XKR7: variants seen among roughly 807,000 people sequenced by gnomAD.
XKR7 encodes the protein XK-related protein 7.
XKR7 carries 11 observed loss-of-function variants against 42.2 expected under a neutral mutation model. The observed-to-expected ratio is 0.26, with a 90% CI of 0.16 to 0.43. XKR7 has a LOEUF of 0.43. Among genes scored for constraint, XKR7 ranks in the 20% least tolerant of loss-of-function variants. The pLI is 1.00. For missense variants in XKR7, 710 were observed against 802.2 expected (o/e 0.89, Z 1.39); for synonymous variants, 346 against 366.4 (o/e 0.94, Z 0.64).
intron 1 of XKR7, among the ~76,000 whole-genome samples, chr20:31,983,527 G>A (rs1299175263): frequency 6.6e-6 from 1 of 152,206 alleles, no homozygotes; most frequent in African/African-American, 2.4e-5. Flanking sequence ...GTTGGAGTGA[G>A]CTTGGTGTGT....
At chr20:31,970,720 T>C (rs1423179716) in intron 1 of XKR7, 1 of 152,220 alleles carries the variant, frequency 6.6e-6, no homozygotes, top group East Asian at 1.9e-4. Context: ...GTGCTCTAAT[T>C]TGTCCATCTT....
chr20:31,971,386 C>T (rs2064464979), intron 1 of XKR7, among the ~76,000 whole-genome samples: 1 of 152,242 alleles, frequency 6.6e-6, no homozygotes, highest in Non-Finnish European at 1.5e-5. Context: ...GAAATTCTGA[C>T]TCTGGGTCTA....
chr20:31,989,845 T>C (rs1040418165), intron 1 of XKR7, among the ~76,000 whole-genome samples: 1 of 152,208 alleles, frequency 6.6e-6, no homozygotes, highest in Non-Finnish European at 1.5e-5. Flanking sequence ...ACTCCTGGGC[T>C]CAAGTGATCC....
chr20:31,975,690 C>T (rs1271906705), intron 1 of XKR7, among the ~76,000 whole-genome samples: 1 of 151,088 alleles, frequency 6.6e-6, no homozygotes, highest in Non-Finnish European at 1.5e-5. Flanking sequence ...AAAGAGATTC[C>T]CCTCTGCTCA....
chr20:31,994,778 C>T (rs899677767), intron 1 of XKR7, among the ~76,000 whole-genome samples: 3 of 152,266 alleles, frequency 2.0e-5, no homozygotes, highest in East Asian at 1.9e-4. Flanking sequence ...GTCAGTAACC[C>T]TCCAAAGAAA....
chr20:31,986,337 A>G (rs1389809997), intron 1 of XKR7, among the ~76,000 whole-genome samples: 6 of 112,872 alleles, frequency 5.3e-5, no homozygotes, highest in South Asian at 3.7e-4. Context: ...AACAGATCCA[A>G]CATCCAAGAC....
rs2064442857 is a variant in XKR7 at position 31,968,170 on chromosome 20, G to A, written c.-6G>A. ...GAAGTCGCTCCCCGCCTCCCTCTCC[G>A]CCAACATGGCCGCGAAGTCGGATGG... On this transcript the variant is annotated 5_prime_UTR_variant, in exon 1 of 3. Transcript: ENST00000562532. This position sits in a 1 kb window ranked among gnomAD's most constrained non-coding sequence, Gnocchi z 4.5. 19 of 1,176,864 alleles carry A rather than the reference G, an allele frequency of 1.6e-5. No homozygotes were observed. Among genetic ancestry groups the A allele is most frequent in the East Asian group, 3.6e-5 (1 of 27,478 alleles). 72.9% of individuals were successfully genotyped at this position (1,176,864 alleles called of 1,614,324 possible). A position where few individuals can be genotyped will look rare whatever the true frequency, so the allele number is the denominator to read the frequency against.
Position 31,999,104 on chromosome 20 carries a change from A to C in XKR7, c.*1647A>C, listed in dbSNP as rs377036716. On this transcript the variant is annotated 3_prime_UTR_variant, in exon 3 of 3. Coordinates refer to ENST00000562532, the MANE Select transcript of XKR7 (RefSeq NM_001011718.2). ...GTGGGAGAGGACAGCAGCGGATGTT[A>C]AGGACAGATGCCAACCTGATCCTGG... is the stretch of plus-strand genomic sequence containing the variant. The C allele has an allele frequency of 2.0e-5, 3 of 147,764 alleles. No individual in the cohort carries two copies. The highest frequency in any genetic ancestry group is 2.2e-4 in the South Asian group (1 of 4,602). The allele number at this position is 147,764 out of a possible 1,614,324, so 9.2% of individuals were successfully genotyped here.
chr20:31,994,551 TAA>T (rs2064582574), intron 1 of XKR7, among the ~76,000 whole-genome samples: 1 of 151,998 alleles, frequency 6.6e-6, no homozygotes, highest in Non-Finnish European at 1.5e-5. Context: ...GAAAAAAATT[TAA>T]AAATTAGCCT....
rs936027609 is a variant in XKR7 at position 31,995,884 on chromosome 20, C to T, written c.787+614C>T. Among the ~76,000 whole-genome samples the T allele has an allele frequency of 6.6e-6, 1 of 151,928 alleles. No homozygotes were observed. Among genetic ancestry groups the T allele is most frequent in the Non-Finnish European group, 1.5e-5 (1 of 67,966 alleles). ...ATCCCCCTGTCTCCCTGAAGCACTCCGTGCTCTCCCAACCTAGTCCCTGCC... is the reference window on the plus strand; with the variant it reads ...ATCCCCCTGTCTCCCTGAAGCACTCTGTGCTCTCCCAACCTAGTCCCTGCC... On this transcript the variant is annotated intron_variant, in intron 2 of 2. Coordinates refer to ENST00000562532, the MANE Select transcript of XKR7 (RefSeq NM_001011718.2). The surrounding 1 kb of genome is among the most constrained non-coding windows in gnomAD (Gnocchi z 4.1).
In XKR7 at chr20:31,995,057, C is replaced by G. The variant is rs1481528929; in HGVS notation, c.585-11C>G. 1.9e-6 allele frequency: 3 copies of G among 1,542,150 alleles called. No individual in the cohort carries two copies. The highest frequency in any genetic ancestry group is 2.8e-5 in the African/African-American group (2 of 72,470). ...GCGCGCGGGAGCCTGAGCACCGCGT[C>G]CTTCCCGCAGGTACCTGCGCGCCCT... On this transcript the variant is annotated splice_polypyrimidine_tract_variant and intron_variant, in intron 1 of 2. Transcript: ENST00000562532. This position sits in a 1 kb window ranked among gnomAD's most constrained non-coding sequence, Gnocchi z 4.1.
chr20:31,983,274 G>A (rs1021394207), intron 1 of XKR7, among the ~76,000 whole-genome samples: 2 of 152,228 alleles, frequency 1.3e-5, no homozygotes, highest in African/African-American at 4.8e-5. Context: ...CTAGGGGAAA[G>A]ACAGGCAATA....
At chr20:31,986,176 T>A (rs1464760910) in intron 1 of XKR7, among the ~76,000 whole-genome samples, 4 of 97,688 alleles carry the variant, frequency 4.1e-5, no homozygotes, top group African/African-American at 1.7e-4. Context: ...ACACCCAGCA[T>A]CCAAGACACA....
In XKR7 at chr20:32,002,677, C is replaced by T. The variant is rs1049170050; in HGVS notation, c.*5220C>T. ...CATTTCTTGAAGAAGAATTCATTTT[C>T]CCATATTAAATTAACTCAAGCTGAG... On this transcript the variant is annotated 3_prime_UTR_variant, in exon 3 of 3. Transcript: ENST00000562532. 1 of 152,146 alleles carries T rather than the reference C, an allele frequency of 6.6e-6. No homozygotes were observed. The highest frequency in any genetic ancestry group is 2.4e-5 in the African/African-American group (1 of 41,416). The allele number at this position is 152,146 out of a possible 1,614,324, so 9.4% of individuals were successfully genotyped here.
intron 1 of XKR7, among the ~76,000 whole-genome samples, chr20:31,991,672 A>G (rs183654814): frequency 6.6e-6 from 1 of 152,272 alleles, no homozygotes; most frequent in East Asian, 1.9e-4. Context: ...GTCCCTGCCC[A>G]TTAAAACCCC....
chr20:31,997,851 G>A lies in XKR7; in HGVS notation c.*394G>A, dbSNP rs932379235. On this transcript the variant is annotated 3_prime_UTR_variant, in exon 3 of 3. Coordinates refer to ENST00000562532, the MANE Select transcript of XKR7 (RefSeq NM_001011718.2). The stretch of plus-strand genomic sequence containing the variant: ...GACCTAGACCCTGTGCTCCTCAGGG[G>A]TTGTGGAGAGTGGGCTGCCTCTATG... 2.0e-5 allele frequency: 4 copies of A among 200,738 alleles called. No homozygotes were observed. Among genetic ancestry groups the A allele is most frequent in the South Asian group, 2.2e-4 (2 of 8,982 alleles). 12.4% of individuals were successfully genotyped at this position (200,738 alleles called of 1,614,324 possible). A position where few individuals can be genotyped will look rare whatever the true frequency, so the allele number is the denominator to read the frequency against.
chr20:31,979,410 T>C (rs1330611925), intron 1 of XKR7, among the ~76,000 whole-genome samples: 1 of 152,188 alleles, frequency 6.6e-6, no homozygotes, highest in African/African-American at 2.4e-5. Context: ...GGTATTTCTT[T>C]AATTTATTGT....
At chr20:31,978,431 C>T (rs1411238989) in intron 1 of XKR7, among the ~76,000 whole-genome samples, 1 of 152,182 alleles carries the variant, frequency 6.6e-6, no homozygotes, top group Admixed American at 6.5e-5. Context: ...TTTATTAAAA[C>T]CTTTTATTGC....
chr20:31,976,963 G>A (rs1191385486), intron 1 of XKR7, among the ~76,000 whole-genome samples: 1 of 152,234 alleles, frequency 6.6e-6, no homozygotes, highest in Non-Finnish European at 1.5e-5. Flanking sequence ...CACCCAGCCA[G>A]CTCTAGTGAG....
Sources: allele counts gnomAD v4.1 joint callset (sites outside exome capture counted in the v4.1 genomes callset), GRCh38; gene constraint gnomAD v4.1.1; non-coding constraint Gnocchi (gnomAD v3.1); transcripts MANE v1.5; gene names NCBI Gene and HGNC (gene_info 2026-07-23, HGNC 2026-07-21).